Variants in SS18 observed in about 807,000 individuals in gnomAD.
The protein encoded by SS18 is protein SSXT.
Under a neutral mutation model 72.5 loss-of-function variants are expected in SS18, and 28 were observed. The observed-to-expected ratio is 0.39, with a 90% confidence interval of 0.29 to 0.53. The LOEUF (loss-of-function observed/expected upper bound fraction) is 0.53. Among genes scored for constraint, SS18 ranks in the 20% least tolerant of loss-of-function variants. The pLI is 0.76. For missense variants in SS18, 518 were observed against 535.3 expected (o/e 0.97, Z 0.32); for synonymous variants, 172 against 164.2 (o/e 1.05, Z -0.37).
At chr18:26,065,344 A>G (rs1171280892) in intron 3 of SS18, among the ~76,000 whole-genome samples, 1 of 152,148 alleles carries the variant, frequency 6.6e-6, no homozygotes, top group East Asian at 1.9e-4. Context: ...TAATTAATAC[A>G]ACGACAGACA....
At chr18:26,079,356 G>A (rs574083573) in intron 2 of SS18, among the ~76,000 whole-genome samples, 56 of 152,218 alleles carry the variant, frequency 3.7e-4, no homozygotes, top group Non-Finnish European at 7.8e-4. Flanking sequence ...AATCACTAGT[G>A]TTTTGTCTCA....
chr18:26,060,062 T>C (rs556469828), intron 3 of SS18, among the ~76,000 whole-genome samples: 109 of 152,308 alleles, frequency 7.2e-4, no homozygotes, highest in African/African-American at 2.4e-3. Context: ...CTAAAAAGAA[T>C]TGAAAACACA....
chr18:26,019,152 A>C (rs1029912689), intron 10 of SS18, among the ~76,000 whole-genome samples: 9 of 152,210 alleles, frequency 5.9e-5, no homozygotes, highest in African/African-American at 2.2e-4. Flanking sequence ...GTTCAGGTTA[A>C]CTTTTGGAGA....
intron 3 of SS18, among the ~76,000 whole-genome samples, chr18:26,070,464 A>T (rs1331354908): frequency 6.6e-6 from 1 of 152,234 alleles, no homozygotes; most frequent in Admixed American, 6.5e-5. Flanking sequence ...TTAAGAAAAC[A>T]AGTCTGTTAA....
chr18:26,021,742 C>T (rs2053354235), intron 10 of SS18, among the ~76,000 whole-genome samples: 1 of 152,164 alleles, frequency 6.6e-6, no homozygotes, highest in African/African-American at 2.4e-5. Flanking sequence ...AAAGCAGGGA[C>T]ACTTAAATAC....
At chr18:26,090,963 G>A (rs1352632848), upstream of SS18, 5 of 247,422 alleles carry the variant, frequency 2.0e-5, no homozygotes, top group South Asian at 1.2e-4. Flanking sequence ...AAATGCGAGC[G>A]GCCCAAGCCG....
intron 5 of SS18, among the ~76,000 whole-genome samples, chr18:26,042,178 G>C (rs1472821152): frequency 6.6e-6 from 1 of 152,110 alleles, no homozygotes; most frequent in Admixed American, 6.6e-5. Context: ...ATGAAACTAA[G>C]AGAAGCAAAC....
At chr18:26,054,725 T>G (rs530084850) in intron 4 of SS18, among the ~76,000 whole-genome samples, 1 of 151,104 alleles carries the variant, frequency 6.6e-6, no homozygotes, top group Admixed American at 6.6e-5. Flanking sequence ...TTATTTTATA[T>G]AGAGAAAATC....
At chr18:26,027,671 T>TA (rs68048813) in intron 10 of SS18, among the ~76,000 whole-genome samples, 438 of 27,284 alleles carry the variant, frequency 0.016, 69 homozygotes, top group Non-Finnish European at 0.023. Context: ...GAGACTCATC[T>TA]AAAAAAAAAA....
intron 5 of SS18, among the ~76,000 whole-genome samples, chr18:26,047,003 CA>C: frequency 6.6e-6 from 1 of 152,182 alleles, no homozygotes; most frequent in East Asian, 1.9e-4. Flanking sequence ...GCTGGGGGAA[CA>C]GGTGTTATTT....
Position 26,017,313 on chromosome 18 carries a change from A to G in SS18, c.*1041T>C, listed in dbSNP as rs1184719121. 5.2e-6 allele frequency: 1 copy of G among 193,496 alleles called. No homozygotes were observed. The highest frequency in any genetic ancestry group is 1.1e-5 in the Non-Finnish European group (1 of 92,682). 12.0% of individuals were successfully genotyped at this position (193,496 alleles called of 1,614,324 possible). On this transcript the variant is annotated 3_prime_UTR_variant, in exon 11 of 11. Transcript: ENST00000415083. ...ATAAATGATATTATTTCCAGATAAG[A>G]AAGTTGAAACAAAGGTTTGTAAAGT...
intron 3 of SS18, among the ~76,000 whole-genome samples, chr18:26,071,757 G>A (rs1171411559): frequency 6.6e-6 from 1 of 152,070 alleles, no homozygotes; most frequent in Non-Finnish European, 1.5e-5. Context: ...GAGCCCAAAA[G>A]TTCGAAGCTG....
At chr18:26,090,230 C>T in intron 1 of SS18, 1 of 495,970 alleles carries the variant, frequency 2.0e-6, no homozygotes, top group Non-Finnish European at 3.5e-6. Flanking sequence ...CGAACGCCGC[C>T]CCATCCCTAG....
At chr18:26,039,956 A>G (rs888252164) in intron 5 of SS18, among the ~76,000 whole-genome samples, 2 of 152,242 alleles carry the variant, frequency 1.3e-5, no homozygotes, top group African/African-American at 4.8e-5. Flanking sequence ...AATGGTAGAC[A>G]GGAAAACTAT....
At chr18:26,047,314 T>A (rs1420511253) in intron 5 of SS18, among the ~76,000 whole-genome samples, 7 of 145,502 alleles carry the variant, frequency 4.8e-5, no homozygotes, top group Non-Finnish European at 7.6e-5. Flanking sequence ...GGTAATATAC[T>A]CATGTTAACT....
intron 5 of SS18, among the ~76,000 whole-genome samples, chr18:26,048,438 T>C (rs1598563692): frequency 6.6e-6 from 1 of 152,150 alleles, no homozygotes. Flanking sequence ...TATATACGAA[T>C]AGCGGAGGTA....
At chr18:26,024,893 C>T (rs895825492) in intron 10 of SS18, among the ~76,000 whole-genome samples, 2 of 152,046 alleles carry the variant, frequency 1.3e-5, no homozygotes, top group Non-Finnish European at 2.9e-5. Flanking sequence ...AAAGCAAGAT[C>T]CGACTGACTA....
chr18:26,065,309 A>C (rs2144067499), intron 3 of SS18, among the ~76,000 whole-genome samples: 1 of 152,042 alleles, frequency 6.6e-6, no homozygotes, highest in Non-Finnish European at 1.5e-5. Flanking sequence ...ACAAAGATTT[A>C]TCACAAGCTA....
At position 26,035,743 on chromosome 18, in the gene SS18, T is replaced by C. The variant is rs1313440540; in HGVS notation, c.973+88A>G. 9.7e-6 allele frequency: 8 copies of C among 828,604 alleles called. No homozygotes were observed. Among genetic ancestry groups the C allele is most frequent in the Admixed American group, 2.9e-5 (1 of 34,578 alleles). The allele number at this position is 828,604 out of a possible 1,614,324, so 51.3% of individuals were successfully genotyped here. On this transcript the variant is annotated intron_variant, in intron 8 of 10. Coordinates refer to ENST00000415083, the MANE Select transcript of SS18 (RefSeq NM_001007559.3). This position sits in a 1 kb window ranked among gnomAD's most constrained non-coding sequence, Gnocchi z 4.4. ...CAGCAACTAGTATTCTACAAGAGCT[T>C]TGCATGGGTAGAAGTTGTCTTATGC...
Sources: allele counts gnomAD v4.1 joint callset (sites outside exome capture counted in the v4.1 genomes callset), GRCh38; gene constraint gnomAD v4.1.1; non-coding constraint Gnocchi (gnomAD v3.1); transcripts MANE v1.5; gene names NCBI Gene and HGNC (gene_info 2026-07-23, HGNC 2026-07-21).